The following SOX5 variants were observed in gnomAD, a reference collection of about 807,000 sequenced individuals.
SOX5 encodes SRY-box transcription factor 5.
In SOX5, 9 loss-of-function variants were observed where a neutral mutation model predicts 92.0. That is an observed-to-expected ratio of 0.10 (90% CI 0.06 to 0.17). SOX5 has a LOEUF of 0.17. SOX5 is among the 10% of genes least tolerant of loss of function. The pLI is 1.00. For synonymous variants in SOX5, 344 were observed against 336.3 expected (o/e 1.02, Z -0.25); for missense variants, 642 against 944.5 (o/e 0.68, Z 4.20).
intron 1 of SOX5, among the ~76,000 whole-genome samples, chr12:23,932,127 T>A (rs989522228): frequency 1.4e-4 from 21 of 151,508 alleles, no homozygotes; most frequent in African/African-American, 5.1e-4. Context: ...TTCTGACAGA[T>A]CTAATTACAA....
At chr12:24,119,256 C>T (rs1948383897) in intron 4 of SOX5, among the ~76,000 whole-genome samples, 1 of 152,028 alleles carries the variant, frequency 6.6e-6, no homozygotes, top group Non-Finnish European at 1.5e-5. Context: ...ATTCCTTAAT[C>T]TTCAGAGCGA....
intron 8 of SOX5, among the ~76,000 whole-genome samples, chr12:23,616,294 G>T (rs74071327): frequency 1.3e-5 from 2 of 152,146 alleles, no homozygotes; most frequent in Non-Finnish European, 2.9e-5. Flanking sequence ...AGAATTCTCC[G>T]CTAACCTCCT....
intron 3 of SOX5, among the ~76,000 whole-genome samples, chr12:24,237,343 GC>G (rs1964712968): frequency 6.6e-6 from 1 of 152,104 alleles, no homozygotes; most frequent in Admixed American, 6.6e-5. Context: ...AAAACACCTG[GC>G]TAGTTCACTG....
At chr12:24,090,029 C>T (rs1422869986) in intron 4 of SOX5, among the ~76,000 whole-genome samples, 6 of 151,986 alleles carry the variant, frequency 3.9e-5, no homozygotes, top group Non-Finnish European at 8.8e-5. Flanking sequence ...AAGAATGAAC[C>T]AGTATTCTTA....
intron 3 of SOX5, among the ~76,000 whole-genome samples, chr12:23,757,133 A>C (rs1375564249): frequency 6.6e-6 from 1 of 151,978 alleles, no homozygotes; most frequent in Non-Finnish European, 1.5e-5. Context: ...ATATGTATAC[A>C]TATATACATA....
intron 4 of SOX5, among the ~76,000 whole-genome samples, chr12:24,057,901 A>G (rs1011156442): frequency 2.6e-5 from 4 of 152,238 alleles, no homozygotes; most frequent in South Asian, 2.1e-4. Context: ...ATTAACAGCA[A>G]CGTTAATTTC....
In SOX5 at chr12:23,543,399, C is replaced by T. The variant is rs754748421; in HGVS notation, c.1598-15G>A. The stretch of plus-strand genomic sequence containing the variant: ...TCCAGCACTTCCTGAAAACAGGAAA[C>T]ATCACTTCGTGTTAGCGTTAAAACT... On this transcript the variant is annotated splice_polypyrimidine_tract_variant and intron_variant, in intron 12 of 14. Transcript: ENST00000451604. 6.2e-6 allele frequency: 10 copies of T among 1,607,028 alleles called. No individual in the cohort carries two copies. Among genetic ancestry groups the T allele is most frequent in the Admixed American group, 1.7e-5 (1 of 59,870 alleles).
chr12:23,825,758 T>A (rs957538048), intron 3 of SOX5, among the ~76,000 whole-genome samples: 1 of 152,312 alleles, frequency 6.6e-6, no homozygotes, highest in East Asian at 1.9e-4. Flanking sequence ...GTTTGCAATT[T>A]AGATAGAACA....
At chr12:23,847,396 T>G (rs2096586785) in intron 2 of SOX5, among the ~76,000 whole-genome samples, 1 of 152,188 alleles carries the variant, frequency 6.6e-6, no homozygotes, top group South Asian at 2.1e-4. Flanking sequence ...AGTAATACAA[T>G]CTGTTGACTT....
chr12:23,845,909 C>T, intron 3 of SOX5, 74 bp downstream of exon 3: 1 of 1,247,926 alleles, frequency 8.0e-7, no homozygotes, highest in Non-Finnish European at 1.2e-6. Context: ...AATCAAAAAA[C>T]AAATCAAGAA....
chr12:24,237,790 T>C (rs962035960), intron 3 of SOX5: 3 of 152,232 alleles, frequency 2.0e-5, no homozygotes, highest in African/African-American at 7.2e-5. Context: ...ATGGATTAAC[T>C]TTGCCTGATA....
chr12:24,023,983 G>T (rs531110164), intron 4 of SOX5, among the ~76,000 whole-genome samples: 3 of 152,054 alleles, frequency 2.0e-5, no homozygotes, highest in African/African-American at 4.8e-5. Flanking sequence ...TATGTAAAGT[G>T]GTAGAACCAT....
At chr12:23,756,735 G>A (rs555939221) in intron 3 of SOX5, among the ~76,000 whole-genome samples, 1 of 151,912 alleles carries the variant, frequency 6.6e-6, no homozygotes, top group East Asian at 1.9e-4. Flanking sequence ...CTCCACATTG[G>A]TGTTTATGTG....
intron 8 of SOX5, among the ~76,000 whole-genome samples, chr12:23,636,323 T>C (rs891446943): frequency 3.9e-5 from 6 of 152,194 alleles, no homozygotes; most frequent in African/African-American, 1.4e-4. Flanking sequence ...AGGTGATTTT[T>C]CTACATGAAC....
At chr12:23,877,624 TTAAAC>T (rs1413767899) in intron 2 of SOX5, among the ~76,000 whole-genome samples, 3 of 152,126 alleles carry the variant, frequency 2.0e-5, no homozygotes, top group African/African-American at 7.2e-5. Flanking sequence ...ACATGCAAGA[TTAAAC>T]TGAACTACAG....
intron 6 of SOX5, among the ~76,000 whole-genome samples, chr12:23,681,548 C>T (rs939868019): frequency 7.3e-5 from 11 of 151,508 alleles, no homozygotes; most frequent in Non-Finnish European, 1.3e-4. Flanking sequence ...GATGAAAAAA[C>T]ATCTATCAGG....
chr12:24,250,726 A>G (rs1939865970), intron 3 of SOX5, among the ~76,000 whole-genome samples: 1 of 152,242 alleles, frequency 6.6e-6, no homozygotes. Flanking sequence ...GGTACAAAGT[A>G]AGTTCATTAA....
chr12:23,979,913 C>CCGGA (rs1555459469), intron 4 of SOX5, among the ~76,000 whole-genome samples: 1 of 124,182 alleles, frequency 8.1e-6, no homozygotes, highest in African/African-American at 3.1e-5. Context: ...GGCTGGCTGG[C>CCGGA]CAGACAGACA....
chr12:24,006,389 C>G (rs1226941940), intron 4 of SOX5, among the ~76,000 whole-genome samples: 1 of 152,086 alleles, frequency 6.6e-6, no homozygotes, highest in Non-Finnish European at 1.5e-5. Flanking sequence ...TTCCATTATC[C>G]TGAAATTCTG....
Sources: gnomAD v4.1 joint callset for allele counts (sites outside exome capture counted in the v4.1 genomes callset) on GRCh38, gnomAD v4.1.1 for gene constraint, MANE v1.5 for transcripts, NCBI Gene and HGNC (gene_info 2026-07-23, HGNC 2026-07-21) for gene names.